Variants in MAP4K4 observed in about 807,000 individuals in gnomAD.
The protein encoded by MAP4K4 is mitogen-activated protein kinase kinase kinase kinase 4.
MAP4K4 carries 38 observed loss-of-function variants against 189.6 expected under a neutral mutation model. The observed-to-expected ratio is 0.20, with a 90% confidence interval of 0.15 to 0.26. The LOEUF (loss-of-function observed/expected upper bound fraction) is 0.26, where lower values mean the gene tolerates loss of function less well. Among genes scored for constraint, MAP4K4 ranks in the 10% least tolerant of loss-of-function variants. The pLI, the probability that MAP4K4 is intolerant of heterozygous loss-of-function variation, is 1.00. For missense variants in MAP4K4, 1,054 were observed against 1,726.9 expected (o/e 0.61, Z 6.91); for synonymous variants, 610 against 624.3 (o/e 0.98, Z 0.34).
At chr2:101,727,696 C>T (rs2056276659) in intron 2 of MAP4K4, among the ~76,000 whole-genome samples, 1 of 152,222 alleles carries the variant, frequency 6.6e-6, no homozygotes, top group Admixed American at 6.5e-5. Flanking sequence ...TGGTCGGGCA[C>T]AGTGGCTCAT....
chr2:101,729,531 A>G (rs2057455202), intron 2 of MAP4K4, among the ~76,000 whole-genome samples: 1 of 152,236 alleles, frequency 6.6e-6, no homozygotes, highest in Non-Finnish European at 1.5e-5. Flanking sequence ...GGGAGATGCT[A>G]GGTTCCTTTT....
chr2:101,881,117 C>G lies in MAP4K4; in HGVS notation c.3386-1434C>G, dbSNP rs189778196. On this transcript the variant is annotated intron_variant, in intron 27 of 32. Coordinates refer to ENST00000324219, the Ensembl canonical transcript of MAP4K4. ...TCTGTCCATTAACATGGAAATCTCT[C>G]TCCATTTATTTAGTTCTTCTTTGAT... Among the ~76,000 whole-genome samples, 196 of 152,322 alleles carry G rather than the reference C, an allele frequency of 1.3e-3. 1 individual carries two copies. The highest frequency in any genetic ancestry group is 4.6e-3 in the African/African-American group (192 of 41,556).
intron 11 of MAP4K4, among the ~76,000 whole-genome samples, 156 bp from the exon 12 acceptor site, chr2:101,843,945 G>T (rs142824977): frequency 6.6e-6 from 1 of 152,322 alleles, no homozygotes; most frequent in East Asian, 1.9e-4. Flanking sequence ...TTGAATTGTA[G>T]ATATAGTCAT....
chr2:101,855,863 C>A, intron 12 of MAP4K4, 114 bp from the exon 13 acceptor site: 1 of 974,332 alleles, frequency 1.0e-6, no homozygotes, highest in Non-Finnish European at 1.5e-6. Context: ...AGATATGGGG[C>A]CCATGAACCT....
At chr2:101,816,776 G>T (rs79327276) in intron 3 of MAP4K4, among the ~76,000 whole-genome samples, 10,211 of 152,228 alleles carry the variant, frequency 0.067, 439 homozygotes, top group African/African-American at 0.12. Context: ...TGACCCAGTT[G>T]AAGGCAGTTT....
chr2:101,756,267 C>T (rs2072732714), intron 2 of MAP4K4, among the ~76,000 whole-genome samples: 1 of 151,982 alleles, frequency 6.6e-6, no homozygotes, highest in Non-Finnish European at 1.5e-5. Flanking sequence ...TTAATGAAGT[C>T]ATAGGATCCA....
At chr2:101,724,274 G>C (rs887823824) in intron 2 of MAP4K4, among the ~76,000 whole-genome samples, 1 of 152,188 alleles carries the variant, frequency 6.6e-6, no homozygotes, top group Non-Finnish European at 1.5e-5. Flanking sequence ...AACAGGCAAA[G>C]CTGTGAGGTT....
At chr2:101,753,374 A>G (rs1223620169) in intron 2 of MAP4K4, among the ~76,000 whole-genome samples, 1 of 152,220 alleles carries the variant, frequency 6.6e-6, no homozygotes, top group Non-Finnish European at 1.5e-5. Flanking sequence ...TTTGTTTGAA[A>G]TAGTTTTTGA....
intron 22 of MAP4K4, chr2:101,870,051 T>C (rs2097936623): frequency 1.6e-6 from 1 of 628,660 alleles, no homozygotes; most frequent in East Asian, 2.9e-5. Context: ...CCAGGGGAAA[T>C]TTCAGTTTGG....
chr2:101,812,874 T>C (rs1024565359), intron 3 of MAP4K4, among the ~76,000 whole-genome samples: 1 of 152,164 alleles, frequency 6.6e-6, no homozygotes, highest in Non-Finnish European at 1.5e-5. Context: ...ACGCCTGTAA[T>C]CCCAGCACTT....
chr2:101,792,035 C>T (rs2092959959), intron 3 of MAP4K4, among the ~76,000 whole-genome samples: 2 of 151,986 alleles, frequency 1.3e-5, no homozygotes, highest in Admixed American at 1.3e-4. Context: ...GGATGCTTTC[C>T]AATAAAATAT....
chr2:101,796,063 C>T (rs1355355803), intron 3 of MAP4K4, among the ~76,000 whole-genome samples: 2 of 152,126 alleles, frequency 1.3e-5, no homozygotes, highest in Non-Finnish European at 2.9e-5. Flanking sequence ...GGGGATGAAA[C>T]GGTGCTCTTT....
At chr2:101,848,506 A>G (rs1194847493) in intron 12 of MAP4K4, among the ~76,000 whole-genome samples, 1 of 152,214 alleles carries the variant, frequency 6.6e-6, no homozygotes, top group East Asian at 1.9e-4. Context: ...ATTAAAACTG[A>G]AAGGAGATAA....
At chr2:101,777,490 A>G (rs2084870854) in intron 2 of MAP4K4, among the ~76,000 whole-genome samples, 1 of 152,148 alleles carries the variant, frequency 6.6e-6, no homozygotes, top group Admixed American at 6.5e-5. Flanking sequence ...CCGGCTCACA[A>G]GGTCCCGCAG....
chr2:101,716,986 A>G (rs1173832468), intron 2 of MAP4K4, among the ~76,000 whole-genome samples: 1 of 152,244 alleles, frequency 6.6e-6, no homozygotes, highest in Non-Finnish European at 1.5e-5. Context: ...TGTACATTTA[A>G]TATCTTCATT....
chr2:101,699,297 A>G (rs2036740898), intron 2 of MAP4K4, among the ~76,000 whole-genome samples: 1 of 152,218 alleles, frequency 6.6e-6, no homozygotes, highest in Admixed American at 6.5e-5. Flanking sequence ...AAATGAAACT[A>G]GCAAATCTGG....
At chr2:101,799,717 T>C (rs1397451129) in intron 3 of MAP4K4, among the ~76,000 whole-genome samples, 1 of 152,044 alleles carries the variant, frequency 6.6e-6, no homozygotes, top group Non-Finnish European at 1.5e-5. Context: ...TCCTCCTACC[T>C]CAGCCTCCTG....
chr2:101,886,597 C>T (rs960276202), intron 29 of MAP4K4, among the ~76,000 whole-genome samples: 14 of 152,126 alleles, frequency 9.2e-5, no homozygotes, highest in Non-Finnish European at 2.1e-4. Context: ...AACATATCTT[C>T]TGGAAGAAGT....
intron 12 of MAP4K4, among the ~76,000 whole-genome samples, chr2:101,845,542 A>G (rs948205887): frequency 1.3e-5 from 2 of 152,206 alleles, no homozygotes; most frequent in Non-Finnish European, 2.9e-5. Context: ...TCTTGCTTCT[A>G]GGCTACAAAC....
Sources: allele counts gnomAD v4.1 joint callset (sites outside exome capture counted in the v4.1 genomes callset), GRCh38; gene constraint gnomAD v4.1.1; transcripts MANE v1.5; gene names NCBI Gene and HGNC (gene_info 2026-07-23, HGNC 2026-07-21).